WDFY3: variants seen among roughly 807,000 people sequenced by gnomAD.
WDFY3 encodes WD repeat and FYVE domain containing 3.
In WDFY3, 66 loss-of-function variants were observed where a neutral mutation model predicts 409.6. That is an observed-to-expected ratio of 0.16 (90% CI 0.13 to 0.20). The LOEUF is 0.20. Ranked by LOEUF, WDFY3 falls within the 10% of genes least tolerant of loss-of-function variation. The pLI is 1.00. For missense variants in WDFY3, 3,031 were observed against 4,298.1 expected (o/e 0.71, Z 8.24); for synonymous variants, 1,521 against 1,537.1 (o/e 0.99, Z 0.25).
intron 10 of WDFY3, among the ~76,000 whole-genome samples, chr4:84,825,357 A>AT (rs749043186): frequency 0.016 from 2,002 of 125,344 alleles, 26 homozygotes; most frequent in African/African-American, 0.045. Context: ...AGAAGTCTCT[A>AT]TTTTTTTTTT....
chr4:84,917,809 A>G (rs1768705693), intron 2 of WDFY3, among the ~76,000 whole-genome samples: 1 of 152,138 alleles, frequency 6.6e-6, no homozygotes, highest in South Asian at 2.1e-4. Context: ...CTTGCAATAT[A>G]CATTACAGAT....
At chr4:84,686,222 C>T (rs1351911047) in intron 62 of WDFY3, among the ~76,000 whole-genome samples, 2 of 152,086 alleles carry the variant, frequency 1.3e-5, no homozygotes, top group Admixed American at 6.6e-5. Context: ...CGGAGAATGG[C>T]GTGAACCCGG....
chr4:84,684,079 A>G lies in WDFY3; in HGVS notation c.9590T>C (p.Ile3197Thr). 3.1e-6 allele frequency: 5 copies of G among 1,611,592 alleles called. No individual in the cohort carries two copies. The highest frequency in any genetic ancestry group is 4.2e-6 in the Non-Finnish European group (5 of 1,177,964). Residue 3197 changes from isoleucine (I) to threonine (T), a missense_variant, in exon 63 of 68, where the codon ATC (isoleucine) becomes ACC (threonine). Physicochemically the swap from Ile to Thr is moderately conservative, Grantham distance 89. Transcript: ENST00000295888. ...CAGTYIHVWS[I>T]NGNPIVSVNT... ...GACACTCACGATAGGGTTCCCATTGATGCTCCACACATGGATATATGTGCC... is the reference window on the plus strand; with the variant it reads ...GACACTCACGATAGGGTTCCCATTGGTGCTCCACACATGGATATATGTGCC...
At chr4:84,962,975 CCATTT>C (rs373932930) in intron 1 of WDFY3, among the ~76,000 whole-genome samples, 141 of 151,836 alleles carry the variant, frequency 9.3e-4, no homozygotes, top group Middle Eastern at 3.4e-3. Context: ...TGCCCGGTCG[CCATTT>C]ATTTCTTAAT....
chr4:84,743,603 A>G, intron 37 of WDFY3, 97 bp downstream of exon 37: 1 of 881,104 alleles, frequency 1.1e-6, no homozygotes, highest in Non-Finnish European at 1.6e-6. Flanking sequence ...TAGACAAAAA[A>G]GGAAAGAAAA....
intron 36 of WDFY3, among the ~76,000 whole-genome samples, chr4:84,745,328 C>T (rs1739239588): frequency 6.6e-6 from 1 of 152,148 alleles, no homozygotes; most frequent in African/African-American, 2.4e-5. Flanking sequence ...GTTTTAGATT[C>T]AGGCACAGTA....
intron 30 of WDFY3, 22 bp downstream of exon 30, chr4:84,772,813 C>A: frequency 6.3e-7 from 1 of 1,594,124 alleles, no homozygotes; most frequent in South Asian, 1.1e-5. Flanking sequence ...ACTATCTTCT[C>A]CAAGCTCCAG....
intron 1 of WDFY3, among the ~76,000 whole-genome samples, chr4:84,938,315 T>C (rs1771694757): frequency 6.6e-6 from 1 of 152,212 alleles, no homozygotes. Context: ...ATTTTTGATG[T>C]AAAAGAATCA....
intron 2 of WDFY3, among the ~76,000 whole-genome samples, chr4:84,917,932 C>T (rs576858140): frequency 1.3e-5 from 2 of 152,154 alleles, no homozygotes; most frequent in South Asian, 4.1e-4. Context: ...ATATATATGG[C>T]TCTGATAGAT....
Position 84,713,206 on chromosome 4 carries a change from A to G in WDFY3, c.7995T>C (p.Ser2665=). 3 of 1,614,182 alleles carry G rather than the reference A, an allele frequency of 1.9e-6. No individual in the cohort carries two copies. Among genetic ancestry groups the G allele is most frequent in the Non-Finnish European group, 2.5e-6 (3 of 1,180,030 alleles). The stretch of plus-strand genomic sequence containing the variant: ...GTCGTTGCCCAGATACAGATTCTGA[A>G]CTGTCCGTTAGAGATGGCACTACAG... ...FLAVVPSLTD[S]SESVSGQRPN... is the part of the protein sequence containing the mutation. The change falls in exon 51 of 68, where the codon AGT becomes AGC. Residue 2665 remains serine, a synonymous_variant. Coordinates refer to ENST00000295888, the MANE Select transcript of WDFY3 (RefSeq NM_014991.6).
chr4:84,836,810 T>C (rs1756632647), intron 7 of WDFY3, 119 bp downstream of exon 7: 39 of 871,844 alleles, frequency 4.5e-5, no homozygotes, highest in Non-Finnish European at 5.9e-5. Context: ...GATAAAGTCA[T>C]ACTATCATAA....
chr4:84,896,425 G>A (rs896171333), intron 3 of WDFY3, among the ~76,000 whole-genome samples: 1 of 151,994 alleles, frequency 6.6e-6, no homozygotes, highest in Non-Finnish European at 1.5e-5. Flanking sequence ...CAAGGAATGT[G>A]AGGTTGTTTT....
chr4:84,912,748 A>T (rs923548429), intron 2 of WDFY3, among the ~76,000 whole-genome samples: 1 of 152,220 alleles, frequency 6.6e-6, no homozygotes, highest in Non-Finnish European at 1.5e-5. Context: ...TATTCTAAAA[A>T]AAAAGAAAAA....
At chr4:84,717,161 A>G in intron 48 of WDFY3, 145 bp from the exon 49 acceptor site, 1 of 976,252 alleles carries the variant, frequency 1.0e-6, no homozygotes, top group East Asian at 3.3e-5. Context: ...TATATTTACA[A>G]GAAGAATTTG....
At chr4:84,842,689 G>A (rs1757539435) in intron 5 of WDFY3, among the ~76,000 whole-genome samples, 1 of 152,022 alleles carries the variant, frequency 6.6e-6, no homozygotes, top group Admixed American at 6.5e-5. Context: ...GACTGAGGCA[G>A]GAGAATTACT....
At chr4:84,815,164 C>T (rs1034882874) in intron 13 of WDFY3, among the ~76,000 whole-genome samples, 8 of 152,070 alleles carry the variant, frequency 5.3e-5, no homozygotes, top group Non-Finnish European at 1.2e-4. Flanking sequence ...GATCGGGTCA[C>T]AAGGGCCTTG....
At chr4:84,893,062 T>G (rs114849648) in intron 3 of WDFY3, among the ~76,000 whole-genome samples, 1 of 152,060 alleles carries the variant, frequency 6.6e-6, no homozygotes, top group Admixed American at 6.6e-5. Context: ...ACCAGTAGAG[T>G]TGGGGAGCAG....
intron 3 of WDFY3, among the ~76,000 whole-genome samples, chr4:84,895,970 G>T (rs1003832565): frequency 6.6e-6 from 1 of 152,170 alleles, no homozygotes; most frequent in Middle Eastern, 3.4e-3. Flanking sequence ...ATAAAAGGAT[G>T]AAAGAGGCTG....
chr4:84,793,220 T>C (rs1339080434), intron 21 of WDFY3, among the ~76,000 whole-genome samples: 4 of 152,226 alleles, frequency 2.6e-5, no homozygotes. Flanking sequence ...TCTCCTAGGC[T>C]GGAGTGCCAT....
Sources: allele counts gnomAD v4.1 joint callset (sites outside exome capture counted in the v4.1 genomes callset), GRCh38; gene constraint gnomAD v4.1.1; transcripts MANE v1.5; gene names NCBI Gene and HGNC (gene_info 2026-07-23, HGNC 2026-07-21).